Variants in LHFPL3 observed in about 807,000 individuals in gnomAD.
LHFPL3 encodes LHFPL tetraspan subfamily member 3, also known as LHFPL tetraspan subfamily member 3 protein.
Under a neutral mutation model 19.3 loss-of-function variants are expected in LHFPL3, and 5 were observed. The ratio of observed to expected loss-of-function variants is 0.26; its 90% confidence interval spans 0.14 to 0.54. LHFPL3 has a LOEUF of 0.54. LHFPL3 is among the 20% of genes least tolerant of loss of function. The pLI, the probability that LHFPL3 is intolerant of heterozygous loss-of-function variation, is 0.94. For missense variants in LHFPL3, 249 were observed against 307.4 expected (o/e 0.81, Z 1.42); for synonymous variants, 133 against 126.2 (o/e 1.05, Z -0.36).
chr7:104,902,237 C>T (rs1211635751), intron 2 of LHFPL3, among the ~76,000 whole-genome samples: 1 of 151,998 alleles, frequency 6.6e-6, no homozygotes, highest in Non-Finnish European at 1.5e-5. Context: ...TTTAAATTAG[C>T]TGGGCATGGT....
At chr7:104,382,265 A>T (rs1790842944) in intron 1 of LHFPL3, among the ~76,000 whole-genome samples, 1 of 152,172 alleles carries the variant, frequency 6.6e-6, no homozygotes, top group South Asian at 2.1e-4. Context: ...AACTCTGGGG[A>T]TGTGGTCCAG....
intron 2 of LHFPL3, among the ~76,000 whole-genome samples, chr7:104,848,181 A>T (rs934714535): frequency 1.1e-4 from 16 of 152,154 alleles, no homozygotes; most frequent in Non-Finnish European, 1.2e-4. Context: ...AGGGTTGTAC[A>T]AGAGGACTCT....
intron 1 of LHFPL3, among the ~76,000 whole-genome samples, chr7:104,474,276 T>C (rs1288323329): frequency 6.6e-6 from 1 of 152,120 alleles, no homozygotes; most frequent in Non-Finnish European, 1.5e-5. Context: ...ACAAAGAAGG[T>C]GTATTTGGGG....
At chr7:104,883,322 A>G (rs1792089865) in intron 2 of LHFPL3, among the ~76,000 whole-genome samples, 1 of 152,242 alleles carries the variant, frequency 6.6e-6, no homozygotes, top group Non-Finnish European at 1.5e-5. Context: ...AAAAACTGAT[A>G]TTAATAGTTA....
intron 1 of LHFPL3, among the ~76,000 whole-genome samples, chr7:104,384,526 C>G (rs1460425622): frequency 6.6e-6 from 1 of 151,982 alleles, no homozygotes; most frequent in Non-Finnish European, 1.5e-5. Context: ...GTGGCTCATG[C>G]CTGTAATCCC....
At chr7:104,835,765 T>A (rs1315972649) in intron 2 of LHFPL3, among the ~76,000 whole-genome samples, 1 of 53,898 alleles carries the variant, frequency 1.9e-5, no homozygotes, top group Admixed American at 1.9e-4. Context: ...ATTATTATTA[T>A]TTTTTTTTAC....
intron 1 of LHFPL3, among the ~76,000 whole-genome samples, chr7:104,595,253 T>C (rs369788117): frequency 4.6e-5 from 7 of 152,346 alleles, no homozygotes; most frequent in South Asian, 2.1e-4. Context: ...TTGATGTTGA[T>C]GCTATTTCTT....
At chr7:104,752,284 G>A (rs1026125643) in intron 2 of LHFPL3, among the ~76,000 whole-genome samples, 41 of 152,080 alleles carry the variant, frequency 2.7e-4, no homozygotes, top group African/African-American at 9.7e-4. Context: ...CTACATATTC[G>A]CAATGTAAAC....
chr7:104,512,160 G>C (rs1425366842), intron 1 of LHFPL3, among the ~76,000 whole-genome samples: 1 of 151,580 alleles, frequency 6.6e-6, no homozygotes, highest in Non-Finnish European at 1.5e-5. Flanking sequence ...TCACCATATT[G>C]GCCAGACTGG....
At chr7:104,540,296 T>A (rs1794460989) in intron 1 of LHFPL3, among the ~76,000 whole-genome samples, 1 of 152,110 alleles carries the variant, frequency 6.6e-6, no homozygotes, top group South Asian at 2.1e-4. Context: ...GTATGGTTGG[T>A]AGGGGGACAG....
At chr7:104,871,564 GT>G (rs757646490) in intron 2 of LHFPL3, among the ~76,000 whole-genome samples, 4 of 152,044 alleles carry the variant, frequency 2.6e-5, no homozygotes, top group Non-Finnish European at 5.9e-5. Context: ...GCTTACTTCA[GT>G]TTTTTACTTT....
intron 2 of LHFPL3, among the ~76,000 whole-genome samples, chr7:104,782,252 A>C (rs1434331656): frequency 2.0e-5 from 3 of 152,206 alleles, no homozygotes; most frequent in African/African-American, 7.2e-5. Context: ...CAAAGTTGTC[A>C]ATCTTCTCAC....
chr7:104,437,655 G>GA (rs1792136889), intron 1 of LHFPL3, among the ~76,000 whole-genome samples: 1 of 152,160 alleles, frequency 6.6e-6, no homozygotes, highest in Non-Finnish European at 1.5e-5. Flanking sequence ...ACAGAGCTCA[G>GA]GAAACTGTTT....
intron 1 of LHFPL3, among the ~76,000 whole-genome samples, chr7:104,554,459 C>T (rs1231613019): frequency 1.3e-5 from 2 of 151,826 alleles, no homozygotes; most frequent in Non-Finnish European, 2.9e-5. Context: ...ATTATATAAA[C>T]AAATATGAAT....
chr7:104,865,106 A>G lies in LHFPL3; in HGVS notation c.683-41081A>G, dbSNP rs185609025. 1.6e-4 allele frequency among the ~76,000 whole-genome samples: 24 copies of G among 152,350 alleles called. No homozygotes were observed. In the East Asian group the frequency reaches 4.2e-3, roughly 27 times the overall value. ...CCATCATCAAAGACCAAAGGTAGAT[A>G]AAACCACAAAGATGGGGAAAAAACA... is the stretch of plus-strand genomic sequence containing the variant. On this transcript the variant is annotated intron_variant, in intron 2 of 2. Transcript: ENST00000424859.
At chr7:104,898,143 G>A (rs1264407301) in intron 2 of LHFPL3, among the ~76,000 whole-genome samples, 2 of 150,406 alleles carry the variant, frequency 1.3e-5, no homozygotes, top group East Asian at 2.0e-4. Context: ...CCTAGTAGCT[G>A]GGATTACAGG....
At chr7:104,690,799 T>C (rs1215473507) in intron 1 of LHFPL3, among the ~76,000 whole-genome samples, 1 of 152,196 alleles carries the variant, frequency 6.6e-6, no homozygotes, top group African/African-American at 2.4e-5. Flanking sequence ...ATTTATTGAG[T>C]GACCCAAAAG....
chr7:104,841,442 TC>T (rs571550835), intron 2 of LHFPL3, among the ~76,000 whole-genome samples: 171 of 148,948 alleles, frequency 1.1e-3, no homozygotes, highest in African/African-American at 4.0e-3. Context: ...AATTGAATGA[TC>T]AAACAATGAT....
chr7:104,753,497 G>A (rs538173442), intron 2 of LHFPL3, among the ~76,000 whole-genome samples: 3 of 152,184 alleles, frequency 2.0e-5, no homozygotes, highest in Admixed American at 6.5e-5. Context: ...CAATATTTGA[G>A]AATAGAGGTC....
Sources: allele counts gnomAD v4.1 joint callset (sites outside exome capture counted in the v4.1 genomes callset), GRCh38; gene constraint gnomAD v4.1.1; transcripts MANE v1.5; gene names NCBI Gene and HGNC (gene_info 2026-07-23, HGNC 2026-07-21).